The following PCDH15 variants were observed in gnomAD, a reference collection of about 807,000 sequenced individuals.
PCDH15 encodes protocadherin related 15.
In PCDH15, 129 loss-of-function variants were observed where a neutral mutation model predicts 178.5. The ratio of observed to expected loss-of-function variants is 0.72; its 90% CI spans 0.63 to 0.84. The LOEUF (loss-of-function observed/expected upper bound fraction) is 0.84. PCDH15 is among the 40% of genes least tolerant of loss of function. The pLI, the probability that PCDH15 is intolerant of heterozygous loss-of-function variation, is 0.00. For missense variants in PCDH15, 2,230 were observed against 2,099.9 expected, an observed-to-expected ratio of 1.06 and a Z score of -1.21; for synonymous variants, 800 against 732.0, an observed-to-expected ratio of 1.09 and a Z score of -1.50.
chr10:54,257,418 T>A (rs1420301993), intron 8 of PCDH15, among the ~76,000 whole-genome samples: 1 of 150,864 alleles, frequency 6.6e-6, no homozygotes, highest in Non-Finnish European at 1.5e-5. Context: ...TTTTTTTTTT[T>A]TTGTCAAAGA....
intron 3 of PCDH15, among the ~76,000 whole-genome samples, chr10:54,401,518 T>C (rs1037633753): frequency 2.6e-5 from 4 of 151,802 alleles, no homozygotes; most frequent in South Asian, 2.1e-4. Context: ...TCATTCTTAA[T>C]AGGATCAAGA....
intron 2 of PCDH15, among the ~76,000 whole-genome samples, chr10:55,445,421 G>A (rs1191160145): frequency 1.3e-5 from 2 of 152,018 alleles, no homozygotes; most frequent in South Asian, 4.1e-4. Context: ...TTTGTATTCT[G>A]ACTTCTGAGA....
intron 5 of PCDH15, among the ~76,000 whole-genome samples, chr10:54,354,643 T>G (rs1266654292): frequency 6.6e-6 from 1 of 152,164 alleles, no homozygotes; most frequent in African/African-American, 2.4e-5. Context: ...GATATCGAGT[T>G]TTGAACTCCA....
In PCDH15 at chr10:54,658,040, C is replaced by G. The variant is rs188486723; in HGVS notation, c.91+6132G>C. On this transcript the variant is annotated intron_variant, in intron 2 of 37. Transcript: ENST00000644397. Reference sequence around the variant, plus strand: ...TTGAAAGCTTTAACAATACACTAGACCATTCAGAAGCCTGGTTTTTTTGAA... The same window carrying G: ...TTGAAAGCTTTAACAATACACTAGAGCATTCAGAAGCCTGGTTTTTTTGAA... 5.6e-3 allele frequency among the ~76,000 whole-genome samples: 857 copies of G among 152,156 alleles called. 6 individuals are homozygous for G. The highest frequency in any genetic ancestry group is 6.1e-3 in the Non-Finnish European group (418 of 67,988).
chr10:53,835,860 G>A (rs768583725), intron 29 of PCDH15, among the ~76,000 whole-genome samples: 12 of 152,166 alleles, frequency 7.9e-5, no homozygotes, highest in East Asian at 1.9e-4. Context: ...ACTTCTTTGC[G>A]TAGATTTCTG....
chr10:54,071,704 C>G lies in PCDH15; in HGVS notation c.2092-4819G>C, dbSNP rs1381280496. Among the ~76,000 whole-genome samples, 5 of 152,126 alleles carry G rather than the reference C, an allele frequency of 3.3e-5. No individual in the cohort carries two copies. In the East Asian group the frequency reaches 9.7e-4, roughly 29 times the overall value. On this transcript the variant is annotated intron_variant, in intron 17 of 37. Coordinates refer to ENST00000644397, the MANE Select transcript of PCDH15 (RefSeq NM_001384140.1). ...AGAGACTCATGGTATGTATAGGAAT[C>G]AGTCAGGAATATTTCAATTTGTTCA...
chr10:54,682,953 G>A (rs2094925767), intron 1 of PCDH15, among the ~76,000 whole-genome samples: 1 of 152,058 alleles, frequency 6.6e-6, no homozygotes, highest in Non-Finnish European at 1.5e-5. Context: ...ATATGGAAGT[G>A]TTGCTCAGGG....
chr10:53,948,509 T>C (rs750218366), intron 23 of PCDH15, among the ~76,000 whole-genome samples: 8 of 152,168 alleles, frequency 5.3e-5, no homozygotes, highest in Non-Finnish European at 5.9e-5. Context: ...AAATCATGTG[T>C]GAAAAGTTTA....
At chr10:54,814,600 G>C (rs2133733244) in intron 3 of PCDH15, among the ~76,000 whole-genome samples, 1 of 152,200 alleles carries the variant, frequency 6.6e-6, no homozygotes, top group Admixed American at 6.6e-5. Flanking sequence ...GGTCTTTTCT[G>C]ATCTGGTCAA....
intron 3 of PCDH15, among the ~76,000 whole-genome samples, chr10:54,462,554 A>T (rs1589539561): frequency 9.8e-6 from 1 of 102,428 alleles, no homozygotes; most frequent in Non-Finnish European, 1.8e-5. Flanking sequence ...TCTCTCTGTT[A>T]CCCAGGCTGG....
intron 2 of PCDH15, among the ~76,000 whole-genome samples, chr10:55,564,453 A>T (rs955455511): frequency 6.6e-6 from 1 of 151,764 alleles, no homozygotes; most frequent in African/African-American, 2.4e-5. Context: ...TCAATACTAA[A>T]AAAGCTACAA....
intron 2 of PCDH15, among the ~76,000 whole-genome samples, chr10:55,053,480 G>A (rs974907361): frequency 2.6e-5 from 4 of 152,120 alleles, no homozygotes; most frequent in African/African-American, 9.7e-5. Flanking sequence ...TAACATAAGG[G>A]ACAAAAGTGT....
chr10:54,151,022 A>C (rs2044474216), intron 14 of PCDH15, among the ~76,000 whole-genome samples: 1 of 152,178 alleles, frequency 6.6e-6, no homozygotes, highest in African/African-American at 2.4e-5. Flanking sequence ...CAAGAAGAAA[A>C]GTCATTACTG....
intron 3 of PCDH15, among the ~76,000 whole-genome samples, chr10:54,491,982 C>T (rs1269105240): frequency 1.3e-5 from 2 of 152,140 alleles, no homozygotes; most frequent in African/African-American, 4.8e-5. Context: ...ATTACACATC[C>T]TCTGATTATC....
At chr10:55,024,000 A>T (rs758598834) in intron 2 of PCDH15, among the ~76,000 whole-genome samples, 3 of 148,492 alleles carry the variant, frequency 2.0e-5, no homozygotes, top group Non-Finnish European at 4.5e-5. Context: ...TGTCTCTCAT[A>T]TATATAATCT....
intron 2 of PCDH15, among the ~76,000 whole-genome samples, chr10:55,136,326 C>T (rs1487231996): frequency 6.6e-6 from 1 of 151,908 alleles, no homozygotes; most frequent in Admixed American, 6.6e-5. Flanking sequence ...AAGTTTCTTT[C>T]CAGTTTTGTG....
At chr10:54,933,149 A>C (rs1036619293) in intron 2 of PCDH15, among the ~76,000 whole-genome samples, 6 of 152,138 alleles carry the variant, frequency 3.9e-5, no homozygotes, top group African/African-American at 1.4e-4. Flanking sequence ...TGTAGACAAC[A>C]TCATCTAGGT....
At chr10:55,071,315 A>G (rs1193305129) in intron 2 of PCDH15, among the ~76,000 whole-genome samples, 1 of 152,102 alleles carries the variant, frequency 6.6e-6, no homozygotes, top group Non-Finnish European at 1.5e-5. Flanking sequence ...AATTGGACAG[A>G]GTCAAGACCC....
intron 2 of PCDH15, among the ~76,000 whole-genome samples, chr10:55,534,984 T>C (rs923379497): frequency 8.6e-5 from 13 of 151,996 alleles, no homozygotes; most frequent in Middle Eastern, 3.4e-3. Flanking sequence ...GTATTCACAT[T>C]TATAAGTGGG....
Sources: allele counts gnomAD v4.1 joint callset (sites outside exome capture counted in the v4.1 genomes callset), GRCh38; gene constraint gnomAD v4.1.1; transcripts MANE v1.5; gene names NCBI Gene and HGNC (gene_info 2026-07-23, HGNC 2026-07-21).